The following RABGEF1 variants were observed in gnomAD, a reference collection of about 807,000 sequenced individuals.
RABGEF1 encodes RAB guanine nucleotide exchange factor 1, also known as rab5 GDP/GTP exchange factor.
Under a neutral mutation model 57.3 loss-of-function variants are expected in RABGEF1, and 26 were observed. That is an observed-to-expected ratio of 0.45 (90% CI 0.33 to 0.63). RABGEF1 has a LOEUF of 0.63. Among genes scored for constraint, RABGEF1 ranks in the 20% least tolerant of loss-of-function variants. The pLI is 0.02. For synonymous variants in RABGEF1, 185 were observed against 210.7 expected, an observed-to-expected ratio of 0.88 and a Z score of 1.06; for missense variants, 464 against 607.6, an observed-to-expected ratio of 0.76 and a Z score of 2.48.
intron 7 of RABGEF1, among the ~76,000 whole-genome samples, 165 bp from the exon 8 acceptor site, chr7:66,804,975 A>T (rs1442313272): frequency 2.0e-5 from 3 of 152,146 alleles, no homozygotes; most frequent in Non-Finnish European, 4.4e-5. Context: ...TCTGTTTTCC[A>T]TGAGTATGAG....
chr7:66,742,494 G>A (rs1799215073), intron 1 of RABGEF1, among the ~76,000 whole-genome samples: 2 of 152,178 alleles, frequency 1.3e-5, no homozygotes, highest in African/African-American at 4.8e-5. Context: ...GAAGGGATCA[G>A]GGAATACTTT....
intron 1 of RABGEF1, among the ~76,000 whole-genome samples, chr7:66,695,970 A>T (rs1792266738): frequency 6.6e-6 from 1 of 152,134 alleles, no homozygotes; most frequent in Admixed American, 6.6e-5. Context: ...TCTCAAAAAA[A>T]AAAAAATAAA....
chr7:66,764,820 A>G (rs1805300759), intron 1 of RABGEF1, among the ~76,000 whole-genome samples: 1 of 152,148 alleles, frequency 6.6e-6, no homozygotes, highest in South Asian at 2.1e-4. Context: ...GTTGATTTCT[A>G]TGACTTTCCT....
At chr7:66,765,487 CA>C (rs1255391859) in intron 1 of RABGEF1, among the ~76,000 whole-genome samples, 1 of 151,852 alleles carries the variant, frequency 6.6e-6, no homozygotes. Flanking sequence ...GAAAAAACGA[CA>C]AAAGTAGTTA....
At chr7:66,703,262 G>A (rs1372110710) in intron 1 of RABGEF1, among the ~76,000 whole-genome samples, 4 of 152,150 alleles carry the variant, frequency 2.6e-5, no homozygotes, top group Non-Finnish European at 2.9e-5. Context: ...ATGAGCCACC[G>A]TGCCTGGCCT....
intron 6 of RABGEF1, among the ~76,000 whole-genome samples, chr7:66,799,039 C>T (rs995493929): frequency 1.3e-5 from 2 of 152,232 alleles, no homozygotes; most frequent in Admixed American, 6.5e-5. Flanking sequence ...CTCAAATGGT[C>T]ACTTTCAGAT....
intron 3 of RABGEF1, among the ~76,000 whole-genome samples, chr7:66,777,911 A>G (rs1296398330): frequency 2.6e-5 from 4 of 152,116 alleles, no homozygotes; most frequent in Non-Finnish European, 5.9e-5. Flanking sequence ...TGAATGATAG[A>G]TTTGTACTTT....
chr7:66,785,166 T>C (rs1810865527), intron 4 of RABGEF1, among the ~76,000 whole-genome samples: 1 of 152,248 alleles, frequency 6.6e-6, no homozygotes, highest in Admixed American at 6.5e-5. Context: ...TAAATGAGTA[T>C]ACTAAAGTAA....
At chr7:66,796,238 T>TTA (rs1785881706) in intron 5 of RABGEF1, among the ~76,000 whole-genome samples, 1 of 149,708 alleles carries the variant, frequency 6.7e-6, no homozygotes, top group Admixed American at 6.7e-5. Flanking sequence ...ATTAATAGTT[T>TTA]AAAAAAAAAA....
chr7:66,708,812 G>A (rs192586338), intron 1 of RABGEF1, among the ~76,000 whole-genome samples: 326 of 151,280 alleles, frequency 2.2e-3, no homozygotes, highest in African/African-American at 7.0e-3. Context: ...ACCCTGTCTC[G>A]AAAAAAAATT....
chr7:66,723,067 C>G (rs1796222351), intron 2 of RABGEF1, among the ~76,000 whole-genome samples: 2 of 152,124 alleles, frequency 1.3e-5, no homozygotes, highest in African/African-American at 4.8e-5. Flanking sequence ...CTCCTGAGTT[C>G]AAGCGATTCT....
chr7:66,668,068 G>A, the RABGEF1 span, among the ~76,000 whole-genome samples: 1 of 151,910 alleles, frequency 6.6e-6, no homozygotes, highest in African/African-American at 2.4e-5. Context: ...AAATTGCTAG[G>A]ATTACAGGTG....
At chr7:66,655,549 T>G in the RABGEF1 span, among the ~76,000 whole-genome samples, 3 of 152,206 alleles carry the variant, frequency 2.0e-5, no homozygotes, top group African/African-American at 7.2e-5. Context: ...TTTATTATAT[T>G]TTTTGAGATG....
chr7:66,795,244 C>CA (rs1813743037), intron 4 of RABGEF1, among the ~76,000 whole-genome samples: 1 of 152,206 alleles, frequency 6.6e-6, no homozygotes, highest in East Asian at 1.9e-4. Context: ...ACCCACCATT[C>CA]AAACCGCCTG....
chr7:66,801,316 G>A (rs4718407), intron 7 of RABGEF1, among the ~76,000 whole-genome samples: 5,579 of 152,166 alleles, frequency 0.037, 161 homozygotes, highest in East Asian at 0.085. Flanking sequence ...TGATCCAGGC[G>A]GATAATGAGT....
chr7:66,804,516 C>G (rs1433515782), intron 7 of RABGEF1, among the ~76,000 whole-genome samples: 1 of 152,056 alleles, frequency 6.6e-6, no homozygotes, highest in Non-Finnish European at 1.5e-5. Flanking sequence ...GGGCGGATCA[C>G]CTGAGGTCAA....
Position 66,756,165 on chromosome 7 carries a change from A to G in RABGEF1, c.-18+15373A>G, listed in dbSNP as rs529129723. ...GAAAAATGAGCAAAATCAGTTATTCAAAGAAAATATACTAGTGCTAATAAA... is the reference window on the plus strand; with the variant it reads ...GAAAAATGAGCAAAATCAGTTATTCGAAGAAAATATACTAGTGCTAATAAA... On this transcript the variant is annotated intron_variant, in intron 1 of 8. Coordinates refer to ENST00000284957, the MANE Select transcript of RABGEF1 (RefSeq NM_014504.3). The G allele has an allele frequency of 8.8e-6, 7 of 794,806 alleles. No homozygotes were observed. The African/African-American group carries it at 1.1e-4, about 12-fold the overall frequency. The allele number at this position is 794,806 out of a possible 1,614,324, so 49.2% of individuals were successfully genotyped here. A position where few individuals can be genotyped will look rare whatever the true frequency, so the allele number is the denominator to read the frequency against.
the RABGEF1 span, among the ~76,000 whole-genome samples, chr7:66,656,317 G>A: frequency 2.6e-5 from 4 of 151,884 alleles, no homozygotes; most frequent in South Asian, 8.3e-4. Flanking sequence ...GAGTCTTGGT[G>A]TGTTGCCCAG....
intron 1 of RABGEF1, among the ~76,000 whole-genome samples, chr7:66,708,063 A>C (rs984146107): frequency 1.3e-5 from 2 of 152,118 alleles, no homozygotes; most frequent in African/African-American, 4.8e-5. Flanking sequence ...AATTTAATGT[A>C]ATTAATCATA....
Sources: gnomAD v4.1 joint callset for allele counts (sites outside exome capture counted in the v4.1 genomes callset) on GRCh38, gnomAD v4.1.1 for gene constraint, MANE v1.5 for transcripts, NCBI Gene and HGNC (gene_info 2026-07-23, HGNC 2026-07-21) for gene names.